The following PRICKLE2 variants were observed in gnomAD, a reference collection of about 807,000 sequenced individuals.
PRICKLE2 encodes the protein prickle planar cell polarity protein 2.
Under a neutral mutation model 81.4 loss-of-function variants are expected in PRICKLE2, and 21 were observed. The observed-to-expected ratio is 0.26, with a 90% CI of 0.18 to 0.37. PRICKLE2 has a LOEUF of 0.37. PRICKLE2 is among the 10% of genes least tolerant of loss of function. PRICKLE2 has a pLI of 1.00. For missense variants in PRICKLE2, 940 were observed against 1,109.0 expected (o/e 0.85, Z 2.16); for synonymous variants, 456 against 421.5 (o/e 1.08, Z -1.00).
chr3:64,195,517 T>C (rs1210586823), intron 2 of PRICKLE2, among the ~76,000 whole-genome samples: 3 of 152,204 alleles, frequency 2.0e-5, no homozygotes, highest in Non-Finnish European at 4.4e-5. Context: ...TTTAATATTT[T>C]TGCCTCCAGG....
chr3:64,227,818 AC>A (rs2079050171), upstream of PRICKLE2, among the ~76,000 whole-genome samples: 1 of 152,222 alleles, frequency 6.6e-6, no homozygotes, highest in African/African-American at 2.4e-5. Context: ...ATTAATAGAA[AC>A]AATCATGCTT....
At chr3:64,267,404 C>T (rs1031472744) in intron 2 of PRICKLE2, among the ~76,000 whole-genome samples, 2 of 150,614 alleles carry the variant, frequency 1.3e-5, no homozygotes, top group Non-Finnish European at 3.0e-5. Flanking sequence ...TTTATCTTTT[C>T]GGGGATATAA....
upstream of PRICKLE2, among the ~76,000 whole-genome samples, chr3:64,229,399 G>A (rs1320699867): frequency 1.3e-5 from 2 of 152,116 alleles, no homozygotes; most frequent in Non-Finnish European, 2.9e-5. Context: ...CTGTAATGAG[G>A]AAGGCTGCAA....
intron 7 of PRICKLE2, among the ~76,000 whole-genome samples, chr3:64,109,594 G>A (rs1029026162): frequency 1.3e-5 from 2 of 152,136 alleles, no homozygotes; most frequent in Non-Finnish European, 1.5e-5. Context: ...GGGCAGGGGT[G>A]GGGGAGGAGG....
chr3:64,200,934 T>A (rs1288475039), intron 1 of PRICKLE2: 7 of 147,956 alleles, frequency 4.7e-5, no homozygotes, highest in African/African-American at 1.5e-4. Context: ...TTTTTAATTT[T>A]TTTTTTTTTT....
chr3:64,124,032 T>C (rs534242422), intron 7 of PRICKLE2, among the ~76,000 whole-genome samples: 6 of 152,308 alleles, frequency 3.9e-5, no homozygotes, highest in Admixed American at 2.6e-4. Context: ...TTGCACCAGT[T>C]AGCCAAATTG....
intron 7 of PRICKLE2, among the ~76,000 whole-genome samples, chr3:64,115,962 C>CAAATGCAAAAGAACTG (rs2076928199): frequency 6.6e-6 from 1 of 152,158 alleles, no homozygotes; most frequent in Non-Finnish European, 1.5e-5. Context: ...TTCTCCTCAT[C>CAAATGCAAAAGAACTG]AAATGCAAAA....
At chr3:64,199,286 C>T in intron 1 of PRICKLE2, 1 of 476,630 alleles carries the variant, frequency 2.1e-6, no homozygotes, top group East Asian at 3.8e-5. Context: ...ACTAGGTAGA[C>T]CACTGGATAT....
At chr3:64,191,465 C>G (rs997793340) in intron 2 of PRICKLE2, among the ~76,000 whole-genome samples, 3 of 152,162 alleles carry the variant, frequency 2.0e-5, no homozygotes, top group Non-Finnish European at 2.9e-5. Flanking sequence ...GCTCCAAAGT[C>G]AGGTTGTCTG....
intron 7 of PRICKLE2, among the ~76,000 whole-genome samples, chr3:64,123,779 A>G (rs1034749439): frequency 6.6e-6 from 1 of 152,170 alleles, no homozygotes; most frequent in Non-Finnish European, 1.5e-5. Context: ...TAAATGTTGT[A>G]TGTGTGTGTG....
At chr3:64,255,284 G>T (rs1165323289) in intron 2 of PRICKLE2, among the ~76,000 whole-genome samples, 7 of 152,198 alleles carry the variant, frequency 4.6e-5, no homozygotes, top group Admixed American at 3.9e-4. Context: ...TAGAGAAAAA[G>T]TTTGGTAGAA....
intron 2 of PRICKLE2, among the ~76,000 whole-genome samples, chr3:64,238,324 C>T (rs1320826890): frequency 1.3e-5 from 2 of 151,666 alleles, no homozygotes; most frequent in African/African-American, 4.8e-5. Context: ...CTCGTCTCTA[C>T]TAAAAGTACA....
intron 2 of PRICKLE2, among the ~76,000 whole-genome samples, chr3:64,236,594 T>C (rs1368346578): frequency 6.6e-6 from 1 of 152,194 alleles, no homozygotes; most frequent in Non-Finnish European, 1.5e-5. Flanking sequence ...TCTTAAATAT[T>C]CCATAAGACC....
At chr3:64,153,891 T>C in intron 5 of PRICKLE2, 1 of 159,362 alleles carries the variant, frequency 6.3e-6, no homozygotes, top group Admixed American at 6.0e-5. Context: ...GTCATATTCT[T>C]CACCCTTCCC....
intron 2 of PRICKLE2, among the ~76,000 whole-genome samples, chr3:64,185,514 G>C (rs2078212122): frequency 6.6e-6 from 1 of 152,234 alleles, no homozygotes; most frequent in Admixed American, 6.5e-5. Flanking sequence ...GTCCTTGGGA[G>C]CTTAGAGATT....
rs1000269974 is a variant in PRICKLE2, at chr3:64,240,131, A to T, written c.129-41164T>A. Among the ~76,000 whole-genome samples, 4 of 152,018 alleles carry T rather than the reference A, an allele frequency of 2.6e-5. No homozygotes were observed. In the East Asian group the frequency reaches 5.8e-4, roughly 22 times the overall value. On this transcript the variant is annotated intron_variant, in intron 2 of 8. Transcript: ENST00000295902. ...GAGACCCTGTCTCAAAAAATAAATAAAATTTTCATTTAGCCTGCTGAATCT... is the reference window on the plus strand; with the variant it reads ...GAGACCCTGTCTCAAAAAATAAATATAATTTTCATTTAGCCTGCTGAATCT...
intron 3 of PRICKLE2, among the ~76,000 whole-genome samples, chr3:64,161,525 C>CT (rs1202713630): frequency 7.9e-5 from 12 of 152,118 alleles, no homozygotes; most frequent in Non-Finnish European, 1.0e-4. Context: ...CACAATCACC[C>CT]TTTGTCTTCA....
intron 1 of PRICKLE2, among the ~76,000 whole-genome samples, chr3:64,220,797 T>C (rs1295767842): frequency 6.6e-6 from 1 of 152,174 alleles, no homozygotes; most frequent in Non-Finnish European, 1.5e-5. Context: ...AACACTCATA[T>C]CTGAGTGCTT....
intron 1 of PRICKLE2, among the ~76,000 whole-genome samples, chr3:64,209,311 T>C (rs1313449756): frequency 6.6e-6 from 1 of 151,994 alleles, no homozygotes; most frequent in Non-Finnish European, 1.5e-5. Context: ...TTCATGTCCA[T>C]ACATACATCC....
Sources: allele counts gnomAD v4.1 joint callset (sites outside exome capture counted in the v4.1 genomes callset), GRCh38; gene constraint gnomAD v4.1.1; transcripts MANE v1.5; gene names NCBI Gene and HGNC (gene_info 2026-07-23, HGNC 2026-07-21).